TET3: variants seen among roughly 807,000 people sequenced by gnomAD.
TET3 encodes the protein tet methylcytosine dioxygenase 3, also known as methylcytosine dioxygenase TET3.
TET3 carries 19 observed loss-of-function variants against 141.4 expected under a neutral mutation model. That is an observed-to-expected ratio of 0.13 (90% CI 0.09 to 0.20). TET3 has a LOEUF of 0.20. TET3 is among the 10% of genes least tolerant of loss of function. The probability of loss-of-function intolerance (pLI) is 1.00; values close to 1 mark genes in which losing one functional copy is unlikely to be tolerated. For synonymous variants in TET3, 1,043 were observed against 980.9 expected, an observed-to-expected ratio of 1.06 and a Z score of -1.18; for missense variants, 1,874 against 2,356.9, an observed-to-expected ratio of 0.80 and a Z score of 4.24.
At chr2:74,053,086 AAAG>A (rs1339981372) in intron 4 of TET3, among the ~76,000 whole-genome samples, 5 of 152,206 alleles carry the variant, frequency 3.3e-5, no homozygotes, top group Non-Finnish European at 7.3e-5. Flanking sequence ...TTAAAGCTTC[AAAG>A]AAGTAAACTT....
chr2:74,042,139 C>T (rs1024968356), intron 3 of TET3, among the ~76,000 whole-genome samples: 2 of 152,224 alleles, frequency 1.3e-5, no homozygotes, highest in Non-Finnish European at 2.9e-5. Flanking sequence ...GGTCATTTAA[C>T]CAGTGGTGAA....
In TET3 at chr2:74,093,121, G is replaced by A. The variant is rs1336566745; in HGVS notation, c.3129+130G>A. The stretch of plus-strand genomic sequence containing the variant: ...GAAGAGCCTAGTCCAGAAGTAAAGC[G>A]ATATGATGTGGTTCTTTGATAAAAA... On this transcript the variant is annotated intron_variant, in intron 9 of 11. Transcript: ENST00000409262. This position sits in a 1 kb window ranked among gnomAD's most constrained non-coding sequence, Gnocchi z 4.2. 3.2e-5 allele frequency: 27 copies of A among 847,958 alleles called. 1 individual carries two copies. In the Admixed American group the frequency reaches 3.6e-4, roughly 11 times the overall value. The allele number at this position is 847,958 out of a possible 1,614,324, so 52.5% of individuals were successfully genotyped here.
intron 10 of TET3, 143 bp from the exon 11 acceptor site, chr2:74,099,133 C>T (rs778029779): frequency 2.4e-5 from 18 of 746,404 alleles, no homozygotes; most frequent in Admixed American, 5.7e-5. Context: ...AATGTGCTTT[C>T]CACAAACTCT....
At chr2:74,096,965 T>A (rs1690872399) in intron 10 of TET3, among the ~76,000 whole-genome samples, 1 of 151,214 alleles carries the variant, frequency 6.6e-6, no homozygotes, top group African/African-American at 2.4e-5. Context: ...TGGTTGTGCA[T>A]GCTTGTAGTC....
At chr2:74,130,384 C>G in the TET3 span, among the ~76,000 whole-genome samples, 7 of 152,168 alleles carry the variant, frequency 4.6e-5, no homozygotes, top group African/African-American at 1.7e-4. Context: ...TAGCATAGCC[C>G]GACCAGCAAT....
the TET3 span, chr2:74,135,458 C>A: frequency 1.6e-6 from 2 of 1,278,702 alleles, no homozygotes; most frequent in Non-Finnish European, 2.3e-6. Flanking sequence ...ATAGATTATA[C>A]ATCTTCTATA....
chr2:74,063,350 C>G (rs1688700527), intron 4 of TET3, among the ~76,000 whole-genome samples: 1 of 152,096 alleles, frequency 6.6e-6, no homozygotes, highest in Non-Finnish European at 1.5e-5. Flanking sequence ...CCTTTGTGTC[C>G]AGCAAATAAT....
the TET3 span, among the ~76,000 whole-genome samples, chr2:74,116,715 T>C: frequency 6.8e-6 from 1 of 147,408 alleles, no homozygotes; most frequent in Non-Finnish European, 1.5e-5. Context: ...AAACACTGTG[T>C]ACCCCATGAA....
rs548963794 is a variant in TET3, at chr2:74,099,416, C to T, written c.3408C>T (p.Ser1136=). 7.4e-6 allele frequency: 12 copies of T among 1,613,994 alleles called. No homozygotes were observed. The highest frequency in any genetic ancestry group is 1.3e-5 in the African/African-American group (1 of 75,056). ...SEENQNAKVG[S]GAIQVLTAFP... is the part of the protein sequence containing the mutation. ...AGAACCAGAATGCAAAGGTGGGCAG[C>T]GGAGCCATCCAGGTGCTCACCGCCT... The change falls in exon 11 of 12, where the codon AGC becomes AGT. Residue 1136 remains serine, a synonymous_variant. Coordinates refer to ENST00000409262, the MANE Select transcript of TET3 (RefSeq NM_001287491.2).
intron 8 of TET3, among the ~76,000 whole-genome samples, chr2:74,091,599 A>G (rs780767614): frequency 2.0e-5 from 3 of 152,224 alleles, no homozygotes; most frequent in Non-Finnish European, 4.4e-5. Context: ...GCCTGGCATC[A>G]CTGGCCCAGG....
chr2:74,054,000 A>C (rs1245299950), intron 4 of TET3, among the ~76,000 whole-genome samples: 1 of 152,204 alleles, frequency 6.6e-6, no homozygotes, highest in East Asian at 1.9e-4. Flanking sequence ...ACTGAGTTTT[A>C]AAGGATAAAT....
At chr2:74,132,351 C>T in the TET3 span, among the ~76,000 whole-genome samples, 1 of 152,136 alleles carries the variant, frequency 6.6e-6, no homozygotes, top group Admixed American at 6.5e-5. Context: ...TCAAGATGAG[C>T]CAAACAGAGG....
intron 6 of TET3, among the ~76,000 whole-genome samples, chr2:74,086,142 C>G (rs1038710318): frequency 6.6e-6 from 1 of 152,228 alleles, no homozygotes; most frequent in African/African-American, 2.4e-5. Flanking sequence ...GCCTGACACT[C>G]GGAGCCCTTC....
intron 3 of TET3, among the ~76,000 whole-genome samples, chr2:74,045,697 GC>G (rs1687578211): frequency 6.6e-6 from 1 of 152,176 alleles, no homozygotes; most frequent in Non-Finnish European, 1.5e-5. Context: ...TCTGTTGCCA[GC>G]TTTCTGTGCT....
Position 73,984,964 on chromosome 2 carries a change from C to A in TET3, c.-618C>A, listed in dbSNP as rs1288488567. ...CTGCTGCCGCCGCGGCCGCCGCTGC[C>A]TCTTCCTTCCTCCTGCGCCGTCCCC... On this transcript the variant is annotated 5_prime_UTR_variant, in exon 1 of 12. Transcript: ENST00000409262. This position sits in a 1 kb window ranked among gnomAD's most constrained non-coding sequence, Gnocchi z 5.6. Among the ~76,000 whole-genome samples the A allele has an allele frequency of 1.4e-5, 2 of 146,980 alleles. No individual in the cohort carries two copies. The highest frequency in any genetic ancestry group is 6.7e-5 in the Admixed American group (1 of 14,854).
At chr2:74,131,847 A>G in the TET3 span, among the ~76,000 whole-genome samples, 1 of 149,086 alleles carries the variant, frequency 6.7e-6, no homozygotes, top group Non-Finnish European at 1.5e-5. Flanking sequence ...TCGTTTTCTA[A>G]TCCGTCAATT....
intron 2 of TET3, among the ~76,000 whole-genome samples, chr2:73,994,787 G>A (rs1684506592): frequency 1.3e-5 from 2 of 151,588 alleles, no homozygotes; most frequent in South Asian, 4.2e-4. Context: ...ACAGGCACGT[G>A]TCACCGTGCC....
chr2:74,018,900 AG>A (rs1685878846), intron 3 of TET3, among the ~76,000 whole-genome samples: 1 of 152,226 alleles, frequency 6.6e-6, no homozygotes. Context: ...CTTCCTATCC[AG>A]AGAAAGGGAA....
Position 74,047,911 on chromosome 2 carries a change from C to A in TET3, c.1994C>A (p.Ala665Glu). The change falls in exon 4 of 12, where the codon GCG (alanine) becomes GAG (glutamate). Residue 665 changes from alanine to glutamate, a missense_variant. Physicochemically the swap from Ala to Glu is moderately radical, Grantham distance 107 (BLOSUM62 -1). This residue lies in a region of TET3 where 484 missense variants were observed against 462.2 expected (regional missense o/e 1.05). Coordinates refer to ENST00000409262, the MANE Select transcript of TET3 (RefSeq NM_001287491.2). ...CCCCTGCCCCCAGAACCTTCTCTTG[C>A]GCTATTTGCACCTAGTCCCTCCAGG... ...AVPLPPEPSL[A>E]LFAPSPSRDS... 1.2e-6 allele frequency: 2 copies of A among 1,613,578 alleles called. No homozygotes were observed. The highest frequency in any genetic ancestry group is 1.7e-6 in the Non-Finnish European group (2 of 1,179,738).
Sources: allele counts gnomAD v4.1 joint callset (sites outside exome capture counted in the v4.1 genomes callset), GRCh38; gene constraint gnomAD v4.1.1; regional missense constraint gnomAD v4.1.1; non-coding constraint Gnocchi (gnomAD v3.1); transcripts MANE v1.5; gene names NCBI Gene and HGNC (gene_info 2026-07-23, HGNC 2026-07-21).